FSTL5: variants seen among roughly 807,000 people sequenced by gnomAD.
FSTL5 encodes follistatin-related protein 5.
FSTL5 carries 62 observed loss-of-function variants against 89.1 expected under a neutral mutation model. The ratio of observed to expected loss-of-function variants is 0.70; its 90% CI spans 0.57 to 0.86. The LOEUF (loss-of-function observed/expected upper bound fraction) is 0.86. Among genes scored for constraint, FSTL5 ranks in the 40% least tolerant of loss-of-function variants. FSTL5 has a pLI of 0.00. For missense variants in FSTL5, 1,057 were observed against 1,001.6 expected (o/e 1.06, Z -0.75); for synonymous variants, 383 against 346.2 (o/e 1.11, Z -1.18).
At chr4:161,775,050 G>T (rs1362259241) in intron 5 of FSTL5, among the ~76,000 whole-genome samples, 5 of 152,026 alleles carry the variant, frequency 3.3e-5, no homozygotes, top group Admixed American at 1.3e-4. Flanking sequence ...TTACACTATT[G>T]CAAAGCTTCG....
At chr4:161,421,182 T>C (rs1731978464) in intron 15 of FSTL5, among the ~76,000 whole-genome samples, 1 of 151,742 alleles carries the variant, frequency 6.6e-6, no homozygotes, top group Non-Finnish European at 1.5e-5. Flanking sequence ...CTACTAAAAA[T>C]ACAAAAACAT....
chr4:161,557,318 A>C (rs529646944), intron 8 of FSTL5, among the ~76,000 whole-genome samples: 1 of 151,510 alleles, frequency 6.6e-6, no homozygotes, highest in African/African-American at 2.4e-5. Flanking sequence ...CTCATTTTTT[A>C]TTATTAAGTA....
At chr4:161,727,077 C>G (rs1739451644) in intron 6 of FSTL5, among the ~76,000 whole-genome samples, 1 of 152,126 alleles carries the variant, frequency 6.6e-6, no homozygotes, top group Non-Finnish European at 1.5e-5. Flanking sequence ...TGGTCAGCAA[C>G]AGCATCTGCT....
chr4:161,720,989 A>AT (rs1441306294), intron 6 of FSTL5, among the ~76,000 whole-genome samples: 2 of 151,956 alleles, frequency 1.3e-5, no homozygotes, highest in Non-Finnish European at 2.9e-5. Context: ...TATACTTAAA[A>AT]TTTTTCTGGC....
chr4:161,788,674 C>T (rs940136169), intron 4 of FSTL5, among the ~76,000 whole-genome samples: 1 of 152,116 alleles, frequency 6.6e-6, no homozygotes, highest in African/African-American at 2.4e-5. Context: ...TCTCTTGAGA[C>T]CAGGAGTTCA....
intron 3 of FSTL5, among the ~76,000 whole-genome samples, chr4:161,947,339 T>C (rs1258101388): frequency 6.6e-6 from 1 of 152,136 alleles, no homozygotes; most frequent in Non-Finnish European, 1.5e-5. Context: ...GTGAAGCTAA[T>C]TTTATATGCT....
chr4:161,459,891 CT>C (rs1484343117), intron 13 of FSTL5, among the ~76,000 whole-genome samples: 1 of 151,486 alleles, frequency 6.6e-6, no homozygotes, highest in Non-Finnish European at 1.5e-5. Context: ...AAAAAGAATT[CT>C]TTTTTTATGC....
intron 6 of FSTL5, among the ~76,000 whole-genome samples, chr4:161,688,258 A>T (rs1034550194): frequency 5.9e-5 from 9 of 151,882 alleles, no homozygotes; most frequent in African/African-American, 2.2e-4. Context: ...AATATATTTA[A>T]TTTTTATAGA....
At chr4:161,565,532 G>GTA (rs1158308106) in intron 8 of FSTL5, among the ~76,000 whole-genome samples, 1 of 151,500 alleles carries the variant, frequency 6.6e-6, no homozygotes, top group African/African-American at 2.4e-5. Context: ...ATTTAAGCAG[G>GTA]CCAGAAATGA....
At chr4:161,652,493 T>C (rs1736375415) in intron 7 of FSTL5, among the ~76,000 whole-genome samples, 1 of 152,078 alleles carries the variant, frequency 6.6e-6, no homozygotes, top group Non-Finnish European at 1.5e-5. Context: ...ATTCCCTGCT[T>C]CATAGAGTTG....
intron 4 of FSTL5, among the ~76,000 whole-genome samples, chr4:161,779,821 A>ATGTATATATATG (rs1267702879): frequency 1.6e-5 from 1 of 63,362 alleles, no homozygotes; most frequent in Non-Finnish European, 2.7e-5. Flanking sequence ...GTATATATAT[A>ATGTATATATATG]TATATATATA....
intron 13 of FSTL5, among the ~76,000 whole-genome samples, chr4:161,474,748 T>G (rs62324263): frequency 0.069 from 10,435 of 152,184 alleles, 474 homozygotes; most frequent in Middle Eastern, 0.11. Flanking sequence ...GGTTCCACCA[T>G]GTTGGCCAGG....
At chr4:161,666,191 C>T (rs750413809) in intron 6 of FSTL5, among the ~76,000 whole-genome samples, 1 of 151,976 alleles carries the variant, frequency 6.6e-6, no homozygotes, top group Non-Finnish European at 1.5e-5. Context: ...TTATTCTACA[C>T]ATCACTAAGA....
chr4:161,783,213 T>C (rs1741733656), intron 4 of FSTL5, among the ~76,000 whole-genome samples: 1 of 152,214 alleles, frequency 6.6e-6, no homozygotes, highest in African/African-American at 2.4e-5. Context: ...TCAAATGCAT[T>C]ATTTTAATGT....
chr4:161,523,318 C>T (rs913905406), intron 10 of FSTL5, among the ~76,000 whole-genome samples: 10 of 152,110 alleles, frequency 6.6e-5, no homozygotes, highest in African/African-American at 2.4e-4. Flanking sequence ...CTGTACCAGT[C>T]TTATGTATAT....
intron 13 of FSTL5, among the ~76,000 whole-genome samples, chr4:161,476,192 T>TTTTTTG (rs1560913684): frequency 5.3e-5 from 6 of 113,598 alleles, no homozygotes; most frequent in Non-Finnish European, 1.8e-5. Context: ...TTTTTTTGTT[T>TTTTTTG]GTTTGTTTTT....
At chr4:161,992,663 C>A (rs541877519) in intron 3 of FSTL5, among the ~76,000 whole-genome samples, 2 of 150,574 alleles carry the variant, frequency 1.3e-5, no homozygotes, top group Admixed American at 6.6e-5. Context: ...ATCAACATGG[C>A]GAAACCCCAT....
At chr4:161,787,328 A>AT in intron 4 of FSTL5, among the ~76,000 whole-genome samples, 1 of 152,238 alleles carries the variant, frequency 6.6e-6, no homozygotes, top group South Asian at 2.1e-4. Flanking sequence ...TGGATTTGTG[A>AT]GTGACTGGTG....
chr4:161,713,164 T>C (rs79645627), intron 6 of FSTL5, among the ~76,000 whole-genome samples: 3,092 of 152,252 alleles, frequency 0.02, 113 homozygotes, highest in African/African-American at 0.069. Context: ...GTGATTTAAA[T>C]GAATGTCTCC....
Sources: gnomAD v4.1 joint callset for allele counts (sites outside exome capture counted in the v4.1 genomes callset) on GRCh38, gnomAD v4.1.1 for gene constraint, MANE v1.5 for transcripts, NCBI Gene and HGNC (gene_info 2026-07-23, HGNC 2026-07-21) for gene names.